The following NRG3 variants were observed in gnomAD, a reference collection of about 807,000 sequenced individuals.
NRG3 encodes neuregulin 3.
A neutral mutation model predicts 66.9 loss-of-function variants in NRG3; 31 were observed. The ratio of observed to expected loss-of-function variants is 0.46; its 90% CI spans 0.35 to 0.63. NRG3 has a LOEUF of 0.63. Ranked by LOEUF, NRG3 falls within the 20% of genes least tolerant of loss-of-function variation. The pLI, the probability that NRG3 is intolerant of heterozygous loss-of-function variation, is 0.00. For synonymous variants in NRG3, 393 were observed against 359.4 expected, an observed-to-expected ratio of 1.09 and a Z score of -1.06; for missense variants, 910 against 878.9, an observed-to-expected ratio of 1.04 and a Z score of -0.45.
At chr10:82,875,590 T>C (rs941117481) in intron 4 of NRG3, among the ~76,000 whole-genome samples, 20 of 152,292 alleles carry the variant, frequency 1.3e-4, no homozygotes, top group Non-Finnish European at 2.8e-4. Flanking sequence ...ACTCCTGTGC[T>C]CAAGAGATTT....
chr10:82,013,900 A>T (rs980053043), intron 1 of NRG3, among the ~76,000 whole-genome samples: 1 of 152,188 alleles, frequency 6.6e-6, no homozygotes, highest in African/African-American at 2.4e-5. Context: ...AAATAGATGA[A>T]ATGTTATATA....
chr10:81,979,119 G>A (rs1465720161), intron 1 of NRG3, among the ~76,000 whole-genome samples: 1 of 150,518 alleles, frequency 6.6e-6, no homozygotes, highest in Admixed American at 6.6e-5. Context: ...AACCTGGGAG[G>A]CAGAGGTTGC....
Position 82,955,685 on chromosome 10 carries a change from A to G in NRG3, c.1158-3264A>G, listed in dbSNP as rs534412993. Among the ~76,000 whole-genome samples, 160 of 152,032 alleles carry G rather than the reference A, an allele frequency of 1.1e-3. 1 individual carries two copies. The highest frequency in any genetic ancestry group is 3.6e-3 in the African/African-American group (149 of 41,292). On this transcript the variant is annotated intron_variant, in intron 5 of 8. Transcript: ENST00000372141. ...TAGACACGGTAACAACCTGCCCCTA[A>G]CTATAGGTCATCAACCCCTTGAAGT...
intron 1 of NRG3, among the ~76,000 whole-genome samples, chr10:81,907,706 G>A (rs1465540117): frequency 6.6e-6 from 1 of 152,058 alleles, no homozygotes; most frequent in Non-Finnish European, 1.5e-5. Flanking sequence ...TATAAATTTG[G>A]AGCTGGGTTG....
chr10:81,938,940 C>T (rs949221499), intron 1 of NRG3, among the ~76,000 whole-genome samples: 3 of 151,720 alleles, frequency 2.0e-5, no homozygotes, highest in African/African-American at 7.3e-5. Flanking sequence ...TCTTCTATTC[C>T]TAGTTTGTTG....
At position 82,024,973 on chromosome 10, in the gene NRG3, TC is replaced by T. The variant is rs558848528; in HGVS notation, c.823+148811del. On this transcript the variant is annotated intron_variant, in intron 1 of 8. Coordinates refer to ENST00000372141, the MANE Select transcript of NRG3 (RefSeq NM_001010848.4). ...GCCTGAGGCTGGAGCACAGCATCCT[TC>T]AATCTGTTCAGTGCTAAGTGAATCA... is the stretch of plus-strand genomic sequence containing the variant. Among the ~76,000 whole-genome samples the T allele has an allele frequency of 2.8e-3, 432 of 152,200 alleles. 2 individuals carry two copies. Among genetic ancestry groups the T allele is most frequent in the African/African-American group, 0.01 (422 of 41,568 alleles).
At chr10:81,877,701 G>T (rs1841799913) in intron 1 of NRG3, 1 of 1,315,538 alleles carries the variant, frequency 7.6e-7, no homozygotes, top group Non-Finnish European at 9.6e-7. Flanking sequence ...AAGGAGGGAA[G>T]GAAGGAATCT....
At chr10:82,028,769 G>A (rs1373311400) in intron 1 of NRG3, among the ~76,000 whole-genome samples, 1 of 152,090 alleles carries the variant, frequency 6.6e-6, no homozygotes, top group Non-Finnish European at 1.5e-5. Context: ...TGTATTGTAT[G>A]AACCTTGGCT....
intron 1 of NRG3, among the ~76,000 whole-genome samples, chr10:82,194,228 A>T (rs1348981935): frequency 6.6e-6 from 1 of 152,136 alleles, no homozygotes; most frequent in Non-Finnish European, 1.5e-5. Context: ...GGTTGAAAAA[A>T]AAATGAGGTG....
intron 1 of NRG3, among the ~76,000 whole-genome samples, chr10:82,087,628 G>T (rs1360455191): frequency 3.3e-5 from 5 of 152,122 alleles, no homozygotes; most frequent in African/African-American, 1.2e-4. Flanking sequence ...CCCATTGTCT[G>T]TAGTATTCTG....
At chr10:82,951,031 A>T (rs560575415) in intron 4 of NRG3, among the ~76,000 whole-genome samples, 1 of 152,192 alleles carries the variant, frequency 6.6e-6, no homozygotes, top group East Asian at 1.9e-4. Context: ...ACAGCCAAGG[A>T]CTAAATCAGA....
chr10:82,692,988 C>G (rs368917030), intron 2 of NRG3, among the ~76,000 whole-genome samples: 2 of 152,070 alleles, frequency 1.3e-5, no homozygotes, highest in Non-Finnish European at 2.9e-5. Context: ...ATAGATGGGC[C>G]GCCCCTCAAC....
chr10:82,394,751 A>C (rs1589971259), intron 2 of NRG3, among the ~76,000 whole-genome samples: 1 of 152,310 alleles, frequency 6.6e-6, no homozygotes, highest in East Asian at 1.9e-4. Flanking sequence ...GGTTTGTCAT[A>C]ATTAATAGGT....
intron 2 of NRG3, among the ~76,000 whole-genome samples, chr10:82,678,736 C>T (rs902296694): frequency 1.3e-5 from 2 of 152,006 alleles, no homozygotes; most frequent in African/African-American, 4.8e-5. Flanking sequence ...AACAGAGCAA[C>T]AGCGGACATT....
intron 1 of NRG3, among the ~76,000 whole-genome samples, chr10:82,078,808 A>G (rs189014612): frequency 6.9e-4 from 105 of 152,288 alleles, no homozygotes; most frequent in Non-Finnish European, 1.2e-3. Flanking sequence ...GCTCATAAGT[A>G]TTTTGCAGAA....
intron 1 of NRG3, among the ~76,000 whole-genome samples, chr10:82,234,480 G>A (rs1441647896): frequency 1.3e-5 from 2 of 152,162 alleles, no homozygotes; most frequent in African/African-American, 4.8e-5. Context: ...GGAGAGTAGG[G>A]ATAATATGAA....
intron 2 of NRG3, among the ~76,000 whole-genome samples, chr10:82,526,600 A>T (rs1020044180): frequency 6.6e-6 from 1 of 151,980 alleles, no homozygotes; most frequent in African/African-American, 2.4e-5. Flanking sequence ...GTAGCTATAA[A>T]TATAACAAAA....
At chr10:82,191,892 G>A (rs1589264614) in intron 1 of NRG3, among the ~76,000 whole-genome samples, 1 of 152,248 alleles carries the variant, frequency 6.6e-6, no homozygotes, top group Middle Eastern at 3.4e-3. Flanking sequence ...CCTGGGATTT[G>A]TTTCCTAGCT....
At chr10:82,305,410 T>C (rs1408341408) in intron 1 of NRG3, among the ~76,000 whole-genome samples, 1 of 152,182 alleles carries the variant, frequency 6.6e-6, no homozygotes, top group Admixed American at 6.5e-5. Context: ...ATATGGGTTT[T>C]AGAATAAACT....
Sources: gnomAD v4.1 joint callset for allele counts (sites outside exome capture counted in the v4.1 genomes callset) on GRCh38, gnomAD v4.1.1 for gene constraint, MANE v1.5 for transcripts, NCBI Gene and HGNC (gene_info 2026-07-23, HGNC 2026-07-21) for gene names.